Variants in AFAP1 observed in about 807,000 individuals in gnomAD.
The protein encoded by AFAP1 is actin filament-associated protein 1.
A neutral mutation model predicts 93.9 loss-of-function variants in AFAP1; 75 were observed. The observed-to-expected ratio is 0.80, with a 90% CI of 0.66 to 0.97. AFAP1 has a LOEUF of 0.97. Among genes scored for constraint, AFAP1 ranks in the 50% least tolerant of loss-of-function variants. The probability of loss-of-function intolerance (pLI) is 0.00; values close to 1 mark genes in which losing one functional copy is unlikely to be tolerated. For missense variants in AFAP1, 1,201 were observed against 1,050.8 expected, an observed-to-expected ratio of 1.14 and a Z score of -1.98; for synonymous variants, 517 against 430.7, an observed-to-expected ratio of 1.20 and a Z score of -2.48.
chr4:7,773,273 G>A, intron 15 of AFAP1: 3 of 445,586 alleles, frequency 6.7e-6, no homozygotes, highest in Non-Finnish European at 7.9e-6. Flanking sequence ...GGAGCTCCTG[G>A]CTCTGGGCCT....
intron 1 of AFAP1, among the ~76,000 whole-genome samples, chr4:7,934,947 CA>C (rs1721292323): frequency 6.6e-6 from 1 of 152,156 alleles, no homozygotes; most frequent in South Asian, 2.1e-4. Context: ...CATGCACATT[CA>C]ATACCTTTGC....
chr4:7,808,359 G>C (rs1321882246), intron 9 of AFAP1, among the ~76,000 whole-genome samples: 1 of 152,138 alleles, frequency 6.6e-6, no homozygotes, highest in Non-Finnish European at 1.5e-5. Context: ...TCCTCTCACG[G>C]CCTCTTGGGT....
intron 3 of AFAP1, among the ~76,000 whole-genome samples, chr4:7,861,329 C>G (rs1207538614): frequency 6.6e-6 from 1 of 152,232 alleles, no homozygotes; most frequent in Non-Finnish European, 1.5e-5. Context: ...TGCTGCTCAT[C>G]TGCAGGAAGG....
chr4:7,932,725 T>G (rs1411499602), intron 1 of AFAP1, among the ~76,000 whole-genome samples: 2 of 152,162 alleles, frequency 1.3e-5, no homozygotes, highest in Non-Finnish European at 2.9e-5. Flanking sequence ...GAACAGATTT[T>G]CCATTTAAGA....
intron 15 of AFAP1, chr4:7,774,492 G>T: frequency 2.0e-6 from 1 of 503,182 alleles, no homozygotes; most frequent in Non-Finnish European, 3.4e-6. Flanking sequence ...CACCTCCCCT[G>T]CCTCGGTGAG....
At chr4:7,791,557 A>C (rs1717855251) in intron 11 of AFAP1, among the ~76,000 whole-genome samples, 1 of 152,160 alleles carries the variant, frequency 6.6e-6, no homozygotes, top group Non-Finnish European at 1.5e-5. Flanking sequence ...ATTGTTATTC[A>C]CTTAAAAGTA....
chr4:7,783,877 G>A (rs999486969), intron 12 of AFAP1, among the ~76,000 whole-genome samples: 8 of 152,206 alleles, frequency 5.3e-5, no homozygotes, highest in Non-Finnish European at 8.8e-5. Flanking sequence ...CTTTGGGGGG[G>A]ACGGGCTAGA....
At position 7,772,858 on chromosome 4, in the gene AFAP1, G is replaced by C. The variant is rs1647659153; in HGVS notation, c.2215C>G (p.Leu739Val). The part of the protein sequence containing the change: ...KALAGGVTLG[L>V]AIEPKSGTSS... The stretch of plus-strand genomic sequence containing the variant: ...GTCCCTGACTTGGGCTCGATGGCCA[G>C]CCCCAGGGTGACTCCGCCCGCCAGC... The change falls in exon 16 of 18, where the codon CTG becomes GTG. Residue 739 changes from leucine (L) to valine (V), a missense_variant. By Grantham distance (32) the Leu-to-Val change is conservative. Transcript: ENST00000420658. 2.5e-6 allele frequency: 4 copies of C among 1,613,964 alleles called. No individual in the cohort carries two copies. The highest frequency in any genetic ancestry group is 3.4e-6 in the Non-Finnish European group (4 of 1,180,022).
Position 7,798,472 on chromosome 4 carries a change from T to C in AFAP1, c.1266+1970A>G, listed in dbSNP as rs145842864. On this transcript the variant is annotated intron_variant, in intron 10 of 17. Transcript: ENST00000420658. ...ATTGGCTGGCTCACGGCATTGCAAC[T>C]CTATTGGCTGGCTCACGGCATTTCA... Among the ~76,000 whole-genome samples, 68 of 110,500 alleles carry C rather than the reference T, an allele frequency of 6.2e-4. 1 individual carries two copies. Among genetic ancestry groups the C allele is most frequent in the African/African-American group, 1.8e-3 (53 of 29,116 alleles). The allele number at this position is 110,500 out of a possible 152,430, so 72.5% of individuals were successfully genotyped here.
chr4:7,769,979 T>C (rs1333474514), intron 16 of AFAP1, among the ~76,000 whole-genome samples: 2 of 152,042 alleles, frequency 1.3e-5, no homozygotes, highest in Admixed American at 6.5e-5. Context: ...GGCTAGGCTG[T>C]GAGTAAAGGG....
Position 7,781,613 on chromosome 4 carries a change from G to A in AFAP1, c.1545C>T (p.Asp515=), listed in dbSNP as rs763063008. 2.2e-5 allele frequency: 34 copies of A among 1,551,656 alleles called. No homozygotes were observed. Among genetic ancestry groups the A allele is most frequent in the African/African-American group, 8.2e-5 (6 of 73,038 alleles). Residue 515 remains aspartate (D), a synonymous_variant, in exon 13 of 18, where the codon GAC becomes GAT. Coordinates refer to ENST00000420658, the MANE Select transcript of AFAP1 (RefSeq NM_001134647.2). ...PCINGSWEPE[D]GFPASCSRGL... is the part of the protein sequence containing the mutation. The stretch of plus-strand genomic sequence containing the variant: ...CTCTGCTGCAGGAAGCAGGAAAGCC[G>A]TCTTCCGGTTCCCACTGCAACACAC...
At chr4:7,778,137 G>T (rs12647327) in intron 14 of AFAP1, 23,938 of 153,060 alleles carry the variant, frequency 0.16, 2,042 homozygotes, top group African/African-American at 0.21. Flanking sequence ...AGCCTTGGGG[G>T]AGCTGCTTAC....
intron 4 of AFAP1, among the ~76,000 whole-genome samples, chr4:7,852,360 C>T (rs531258397): frequency 4.5e-4 from 69 of 152,284 alleles, no homozygotes; most frequent in African/African-American, 1.6e-3. Context: ...GAAGCAGAAG[C>T]TGCCACCTGG....
rs544040041 is a variant in AFAP1 at position 7,806,444 on chromosome 4, G to A, written c.1054+3170C>T. On this transcript the variant is annotated intron_variant, in intron 9 of 17. Coordinates refer to ENST00000420658, the MANE Select transcript of AFAP1 (RefSeq NM_001134647.2). ...CCAGCTGCACTGTGTGGAAGGGCTG[G>A]CATTTGAACTCCGCTTTCAGTGGCT... 2.0e-5 allele frequency among the ~76,000 whole-genome samples: 3 copies of A among 152,174 alleles called. No homozygotes were observed. In the South Asian group the frequency reaches 6.2e-4, roughly 32 times the overall value.
chr4:7,885,306 C>G (rs1462295950), intron 1 of AFAP1, among the ~76,000 whole-genome samples: 1 of 152,194 alleles, frequency 6.6e-6, no homozygotes, highest in East Asian at 1.9e-4. Context: ...TGCTTCTGCC[C>G]CAGGCCTCTG....
chr4:7,775,061 A>G, intron 14 of AFAP1, 158 bp from the exon 15 acceptor site: 1 of 831,966 alleles, frequency 1.2e-6, no homozygotes, highest in South Asian at 1.9e-5. Flanking sequence ...GAATCGCTTG[A>G]GCTTGGGAGC....
intron 5 of AFAP1, among the ~76,000 whole-genome samples, chr4:7,842,311 AAAAAAAAAAAAG>A (rs1442122066): frequency 6.6e-6 from 1 of 150,918 alleles, no homozygotes; most frequent in Non-Finnish European, 1.5e-5. Flanking sequence ...CAAAAAAAAA[AAAAAAAAAAAAG>A]ATAAAAAAAG....
At chr4:7,890,251 C>T (rs1050085950) in intron 1 of AFAP1, among the ~76,000 whole-genome samples, 1 of 152,050 alleles carries the variant, frequency 6.6e-6, no homozygotes, top group African/African-American at 2.4e-5. Context: ...TGACTTTTGA[C>T]AAAGATGCCA....
chr4:7,839,639 A>C (rs574110778), intron 5 of AFAP1, among the ~76,000 whole-genome samples: 1 of 152,330 alleles, frequency 6.6e-6, no homozygotes, highest in South Asian at 2.1e-4. Context: ...ATCCATCTAC[A>C]CAACTGACAT....
Sources: gnomAD v4.1 joint callset for allele counts (sites outside exome capture counted in the v4.1 genomes callset) on GRCh38, gnomAD v4.1.1 for gene constraint, MANE v1.5 for transcripts, NCBI Gene and HGNC (gene_info 2026-07-23, HGNC 2026-07-21) for gene names.